Variants in PNKP observed in about 807,000 individuals in gnomAD.
The protein encoded by PNKP is bifunctional polynucleotide phosphatase/kinase.
Under a neutral mutation model 66.2 loss-of-function variants are expected in PNKP, and 82 were observed. That is an observed-to-expected ratio of 1.24 (90% CI 1.04 to 1.49). The LOEUF is 1.49. PNKP is among the 40% of genes most tolerant of loss of function. The pLI is 0.00. For synonymous variants in PNKP, 412 were observed against 298.9 expected (o/e 1.38, Z -3.90); for missense variants, 907 against 706.8 (o/e 1.28, Z -3.21).
chr19:49,867,110 A>T lies in PNKP; in HGVS notation c.95T>A (p.Val32Asp). Residue 32 changes from valine (V) to aspartate (D), a missense_variant, in exon 2 of 17, where the codon GTC (valine) becomes GAC (aspartate). By Grantham distance (152) the Val-to-Asp change is radical. Transcript: ENST00000322344. ...CTGGGTCAGGGGTCCCCTGCCCAGG[A>T]CCAGGGCTTGCCCGTCCGAGGGCAG... The part of the protein sequence containing the change: ...IFLPSDGQAL[V>D]LGRGPLTQVT... 6.2e-7 allele frequency: 1 copy of T among 1,613,504 alleles called. No homozygotes were observed. Among genetic ancestry groups the T allele is most frequent in the South Asian group, 1.1e-5 (1 of 91,082 alleles).
chr19:49,864,665 T>A (rs2074805057), intron 4 of PNKP, among the ~76,000 whole-genome samples: 1 of 152,194 alleles, frequency 6.6e-6, no homozygotes, highest in African/African-American at 2.4e-5. Context: ...GTTAATGTCT[T>A]ACCCAGCCTC....
rs1410274577 is a variant in PNKP, at chr19:49,864,185, G to A, written c.630C>T (p.Gly210=). 6.2e-7 allele frequency: 1 copy of A among 1,614,146 alleles called. No individual in the cohort carries two copies. Among genetic ancestry groups the A allele is most frequent in the Non-Finnish European group, 8.5e-7 (1 of 1,179,984 alleles). Residue 210 remains glycine (G), a synonymous_variant, in exon 6 of 17, where the codon GGC becomes GGT. Transcript: ENST00000322344. ...GACAGGCGGCTGCACATACCTTGTA[G>A]CCCTCGGCTTCCAGCTCTCGGAGCT... ...PRKLRELEAE[G]YKLVIFTNQM...
intron 3 of PNKP, chr19:49,866,079 C>A (rs1473899060): frequency 4.7e-6 from 2 of 424,154 alleles, no homozygotes; most frequent in Non-Finnish European, 8.9e-6. Context: ...GTGTGGTGAT[C>A]ACTGCTCACT....
intron 2 of PNKP, 82 bp from the exon 3 acceptor site, chr19:49,866,527 G>T (rs769930755): frequency 7.5e-7 from 1 of 1,330,544 alleles, no homozygotes; most frequent in East Asian, 2.3e-5. Flanking sequence ...GCCTGCTTCA[G>T]GCTATAGCAT....
rs1278466782 is a variant in PNKP, at chr19:49,864,302, CCCTT to C, written c.578+18_578+21del. On this transcript the variant is annotated intron_variant, in intron 5 of 16. Transcript: ENST00000322344. Reference sequence around the variant, plus strand: ...AGGTGGACTCCAGGCCTCACTCACTCCCTTGTTTTGCCTCTTATCACCTCCAGTC... The same window carrying C: ...AGGTGGACTCCAGGCCTCACTCACTCGTTTTGCCTCTTATCACCTCCAGTC... 1.2e-5 allele frequency: 19 copies of C among 1,612,370 alleles called. No individual in the cohort carries two copies. Among genetic ancestry groups the C allele is most frequent in the Non-Finnish European group, 1.6e-5 (19 of 1,178,530 alleles).
At chr19:49,862,146 G>T in intron 12 of PNKP, 39 bp downstream of exon 12, 1 of 1,613,586 alleles carries the variant, frequency 6.2e-7, no homozygotes, top group Non-Finnish European at 8.5e-7. Flanking sequence ...TAGGACCCAG[G>T]CGGGGCTCAG....
At chr19:49,864,923 T>C (rs946470884) in intron 4 of PNKP, among the ~76,000 whole-genome samples, 2 of 152,232 alleles carry the variant, frequency 1.3e-5, no homozygotes, top group African/African-American at 2.4e-5. Flanking sequence ...TCATTGCTGA[T>C]TACTGGGTGG....
In PNKP at chr19:49,864,311, T is replaced by C. The variant is rs772109789; in HGVS notation, c.578+13A>G. 8.7e-6 allele frequency: 14 copies of C among 1,613,222 alleles called. No homozygotes were observed. In the South Asian group the frequency reaches 1.3e-4, roughly 15 times the overall value. ...CCAGGCCTCACTCACTCCCTTGTTT[T>C]GCCTCTTATCACCTCCAGTCACTGG... On this transcript the variant is annotated intron_variant, in intron 5 of 16. Transcript: ENST00000322344.
intron 16 of PNKP, 35 bp downstream of exon 16, chr19:49,861,414 C>T: frequency 1.2e-6 from 2 of 1,613,956 alleles, no homozygotes; most frequent in Non-Finnish European, 1.7e-6. Flanking sequence ...TGTGGCCCAG[C>T]CAGTGCCCCT....
At chr19:49,862,987 G>A (rs55707633) in intron 8 of PNKP, among the ~76,000 whole-genome samples, 1 of 151,888 alleles carries the variant, frequency 6.6e-6, no homozygotes. Context: ...GGCCACCGGA[G>A]GGCACCCACC....
rs112635688 is a variant in PNKP, at chr19:49,861,701, G to A, written c.1299-6C>T. 9.1e-5 allele frequency: 141 copies of A among 1,548,464 alleles called. 1 individual carries two copies. In the African/African-American group the frequency reaches 1.8e-3, roughly 19 times the overall value. ...CTCGGGCACACTGGACGTACCTGTG[G>A]GGGAAGGAGCTGGATGTGCAGGCCC... On this transcript the variant is annotated splice_polypyrimidine_tract_variant and splice_region_variant and intron_variant, in intron 14 of 16. Transcript: ENST00000322344.
intron 1 of PNKP, 122 bp from the exon 2 acceptor site, chr19:49,867,339 C>T: frequency 5.6e-6 from 6 of 1,065,462 alleles, no homozygotes; most frequent in Non-Finnish European, 6.6e-6. Flanking sequence ...GTCCCACCCG[C>T]TCGCCTTCCG....
At position 49,862,724 on chromosome 19, in the gene PNKP, C is replaced by G; in HGVS notation, c.831G>C (p.Thr277=). 6.2e-7 allele frequency: 1 copy of G among 1,614,094 alleles called. No individual in the cohort carries two copies. Among genetic ancestry groups the G allele is most frequent in the Non-Finnish European group, 8.5e-7 (1 of 1,179,976 alleles). ...AGATGCTGTCCCCGATGGATATGGG[C>G]GTGCCGTCGTTGGCCTACGGGAGAC... ...DHLQEQANDG[T]PISIGDSIFV... Residue 277 remains threonine (T), a synonymous_variant, in exon 9 of 17, where the codon ACG becomes ACC. Transcript: ENST00000322344.
At chr19:49,867,446 C>T in intron 1 of PNKP, 23 bp downstream of exon 1, 1 of 579,068 alleles carries the variant, frequency 1.7e-6, no homozygotes, top group Non-Finnish European at 3.1e-6. Flanking sequence ...CTCGCACATG[C>T]CTCCGCCCCG....
Position 49,861,296 on chromosome 19 carries a change from C to G in PNKP, c.1518G>C (p.Trp506Cys), listed in dbSNP as rs2122315682. The change falls in exon 17 of 17, where the codon TGG becomes TGC. Residue 506 changes from tryptophan (W) to cysteine (C), a missense_variant. Trp to Cys is a radical substitution (Grantham distance 215, BLOSUM62 -2). Coordinates refer to ENST00000322344, the MANE Select transcript of PNKP (RefSeq NM_007254.4). ...SAILEIPFRL[W>C]VEPRLGRLYC... ...ACAGCCGCCCCAGCCTCGGCTCCACCCATAGCCGGAACGGGATCTCCAGGA... is the reference window on the plus strand; with the variant it reads ...ACAGCCGCCCCAGCCTCGGCTCCACGCATAGCCGGAACGGGATCTCCAGGA... 1.2e-6 allele frequency: 2 copies of G among 1,614,032 alleles called. No individual in the cohort carries two copies. The highest frequency in any genetic ancestry group is 1.7e-5 in the Admixed American group (1 of 60,028).
rs2074781901 is a variant in PNKP, at chr19:49,862,440, G to A, written c.960C>T (p.Pro320=). 1 of 1,586,948 alleles carries A rather than the reference G, an allele frequency of 6.3e-7. No homozygotes were observed. Among genetic ancestry groups the A allele is most frequent in the African/African-American group, 1.3e-5 (1 of 74,404 alleles). Residue 320 remains proline (P), a synonymous_variant, in exon 11 of 17, where the codon CCC becomes CCT. Coordinates refer to ENST00000322344, the MANE Select transcript of PNKP (RefSeq NM_007254.4). ...DRLFALNLGL[P]FATPEEFFLK... ...GAAAGAACTCCTCAGGCGTGGCGAA[G>A]GGCAGGCCAAGGTTGAGGGCAAACT...
rs1395317095 is a variant in PNKP at position 49,861,801 on chromosome 19, G to A, written c.1269C>T (p.Asn423=). ...LKQGKRVAID[N]TNPDAASRAR... ...CGCGGCTCGCGGCGTCTGGGTTTGT[G>A]TTGTCGATGGCGACCCGTTTCCCTT... Residue 423 remains asparagine, a synonymous_variant, in exon 14 of 17, where the codon AAC becomes AAT. Transcript: ENST00000322344. 2 of 1,575,486 alleles carry A rather than the reference G, an allele frequency of 1.3e-6. No individual in the cohort carries two copies. Among genetic ancestry groups the A allele is most frequent in the Non-Finnish European group, 1.7e-6 (2 of 1,164,644 alleles).
At chr19:49,866,513 T>C (rs1024370617) in intron 2 of PNKP, 68 bp from the exon 3 acceptor site, 1 of 1,460,894 alleles carries the variant, frequency 6.8e-7, no homozygotes, top group African/African-American at 1.4e-5. Context: ...TTCTGGGGAG[T>C]GTGGCCTGCT....
Position 49,861,695 on chromosome 19 carries a change from C to A in PNKP, c.1299G>T (p.Arg433Ser). ...CCGCGGCTCGGGCACACTGGACGTA[C>A]CTGTGGGGGAAGGAGCTGGATGTGC... ...NTNPDAASRARYVQCARAAGV... is the reference protein window; with the variant it reads ...NTNPDAASRASYVQCARAAGV... The change falls in exon 15 of 17, where the codon AGG becomes AGT. Residue 433 changes from arginine to serine, a missense_variant and splice_region_variant. Physicochemically the swap from Arg to Ser is moderately radical, Grantham distance 110. Transcript: ENST00000322344. The A allele has an allele frequency of 6.5e-7, 1 of 1,547,804 alleles. No homozygotes were observed. Among genetic ancestry groups the A allele is most frequent in the South Asian group, 1.2e-5 (1 of 84,114 alleles).
Sources: gnomAD v4.1 joint callset for allele counts (sites outside exome capture counted in the v4.1 genomes callset) on GRCh38, gnomAD v4.1.1 for gene constraint, MANE v1.5 for transcripts, NCBI Gene and HGNC (gene_info 2026-07-23, HGNC 2026-07-21) for gene names.